Variants in ANO4 observed in about 807,000 individuals in gnomAD.
The protein encoded by ANO4 is anoctamin-4.
ANO4 carries 69 observed loss-of-function variants against 141.9 expected under a neutral mutation model. The observed-to-expected ratio is 0.49, with a 90% confidence interval of 0.40 to 0.59. The LOEUF is 0.59. Among genes scored for constraint, ANO4 ranks in the 20% least tolerant of loss-of-function variants. ANO4 has a pLI of 0.00. For missense variants in ANO4, 894 were observed against 1,162.2 expected, an observed-to-expected ratio of 0.77 and a Z score of 3.36; for synonymous variants, 350 against 394.3, an observed-to-expected ratio of 0.89 and a Z score of 1.33.
chr12:100,959,054 CT>C lies in ANO4; in HGVS notation c.457-12251del, dbSNP rs2043293500. On this transcript the variant is annotated intron_variant, in intron 5 of 27. Coordinates refer to ENST00000392977, the MANE Select transcript of ANO4 (RefSeq NM_001286615.2). ...ACTGTTACTTCACACTGCCCTCTCTCTGCCCAATCAACCTTCTCACCTGTTT... is the reference window on the plus strand; with the variant it reads ...ACTGTTACTTCACACTGCCCTCTCTCGCCCAATCAACCTTCTCACCTGTTT... 7.9e-5 allele frequency among the ~76,000 whole-genome samples: 12 copies of C among 152,206 alleles called. No individual in the cohort carries two copies. In the South Asian group the frequency reaches 2.5e-3, roughly 32 times the overall value.
At position 100,731,508 on chromosome 12, in the gene ANO4, G is replaced by A. The variant is rs60112591; in HGVS notation, c.23-2266G>A. Among the ~76,000 whole-genome samples the A allele has an allele frequency of 5.0e-3, 763 of 152,146 alleles. 22 individuals are homozygous for A. The East Asian group carries it at 0.069, about 14-fold the overall frequency. The stretch of plus-strand genomic sequence containing the variant: ...ACAATTGATAAACCTACATCAACAC[G>A]TCATAATCACCCAAAATCCATAGTT... On this transcript the variant is annotated intron_variant, in intron 1 of 29. Coordinates refer to the ANO4 transcript ENST00000644049.
intron 3 of ANO4, among the ~76,000 whole-genome samples, chr12:100,767,004 A>G (rs1017470923): frequency 1.4e-4 from 21 of 152,108 alleles, no homozygotes; most frequent in African/African-American, 5.1e-4. Flanking sequence ...TTTAGTCTAT[A>G]TTCTGAACAC....
chr12:100,869,562 C>T (rs566149294), intron 1 of ANO4, among the ~76,000 whole-genome samples: 30 of 152,284 alleles, frequency 2.0e-4, no homozygotes, highest in African/African-American at 1.4e-4. Context: ...TGAGACCCCT[C>T]GTATGAGCTG....
chr12:100,978,631 CT>C (rs1284581245), intron 7 of ANO4, among the ~76,000 whole-genome samples: 3 of 152,094 alleles, frequency 2.0e-5, no homozygotes, highest in African/African-American at 7.2e-5. Context: ...GTTCTGCCCC[CT>C]GGATGGATAA....
chr12:101,067,631 C>T (rs2048645824), intron 14 of ANO4, among the ~76,000 whole-genome samples: 3 of 152,090 alleles, frequency 2.0e-5, no homozygotes, highest in Admixed American at 6.5e-5. Context: ...TGCAGTGAGC[C>T]GAGGTTGCAC....
intron 8 of ANO4, among the ~76,000 whole-genome samples, chr12:100,989,024 AAAATC>A (rs2044912383): frequency 6.6e-6 from 1 of 152,180 alleles, no homozygotes. Context: ...GGGGAAAAGA[AAAATC>A]AAAGAATAGA....
chr12:100,886,969 C>T (rs969094129), intron 1 of ANO4, among the ~76,000 whole-genome samples: 16 of 152,166 alleles, frequency 1.1e-4, no homozygotes, highest in Non-Finnish European at 2.1e-4. Flanking sequence ...CTGCCTTTTT[C>T]ATCCTTGTTT....
At chr12:101,067,005 A>AG in intron 14 of ANO4, 2 of 582,468 alleles carry the variant, frequency 3.4e-6, no homozygotes, top group South Asian at 4.3e-5. Context: ...AACAAAAAAA[A>AG]AAAAAAAAAA....
chr12:101,037,878 C>G (rs1228546523), intron 10 of ANO4, among the ~76,000 whole-genome samples: 1 of 152,182 alleles, frequency 6.6e-6, no homozygotes, highest in Non-Finnish European at 1.5e-5. Flanking sequence ...CCTCTGGGAC[C>G]TCACAAAGTA....
At chr12:100,747,566 G>A (rs1156302066) in intron 3 of ANO4, among the ~76,000 whole-genome samples, 1 of 152,172 alleles carries the variant, frequency 6.6e-6, no homozygotes, top group African/African-American at 2.4e-5. Context: ...TCTTCTGGTG[G>A]GATTGTGTTT....
chr12:100,832,166 T>G (rs777714814), intron 1 of ANO4, among the ~76,000 whole-genome samples: 2 of 152,006 alleles, frequency 1.3e-5, no homozygotes, highest in Non-Finnish European at 2.9e-5. Context: ...CAATCCTCTG[T>G]GTAAGCTTTG....
intron 3 of ANO4, among the ~76,000 whole-genome samples, chr12:100,775,069 C>T (rs2033449645): frequency 6.6e-6 from 1 of 152,144 alleles, no homozygotes; most frequent in Admixed American, 6.5e-5. Context: ...CCATTCAAAG[C>T]CTGATTACAC....
intron 3 of ANO4, among the ~76,000 whole-genome samples, chr12:100,778,959 G>T (rs953721): frequency 0.67 from 101,145 of 151,246 alleles, 33,964 homozygotes; most frequent in East Asian, 0.78. Context: ...ATTAGGCAGG[G>T]TGAAGAAGGG....
chr12:101,016,975 G>C (rs951213593), intron 8 of ANO4, among the ~76,000 whole-genome samples: 1 of 152,210 alleles, frequency 6.6e-6, no homozygotes. Context: ...TGACTGCAGA[G>C]TATTGAGATA....
At chr12:101,083,910 A>C (rs1447418598) in intron 16 of ANO4, 92 bp downstream of exon 16, 7 of 1,258,362 alleles carry the variant, frequency 5.6e-6, no homozygotes, top group Non-Finnish European at 7.4e-6. Flanking sequence ...TTGTTCTACA[A>C]AATATTTTTG....
intron 1 of ANO4, among the ~76,000 whole-genome samples, chr12:100,802,283 T>C (rs1044698998): frequency 8.5e-5 from 13 of 152,226 alleles, no homozygotes; most frequent in African/African-American, 3.1e-4. Context: ...GAGATATGCA[T>C]GTGTAAGTTT....
At chr12:100,981,018 C>G (rs79629858) in intron 7 of ANO4, among the ~76,000 whole-genome samples, 2 of 152,144 alleles carry the variant, frequency 1.3e-5, no homozygotes, top group African/African-American at 4.8e-5. Flanking sequence ...CTTCCACCCC[C>G]CATATGCATT....
At chr12:100,926,591 C>A (rs1015512817) in intron 3 of ANO4, among the ~76,000 whole-genome samples, 4 of 147,528 alleles carry the variant, frequency 2.7e-5, no homozygotes, top group Admixed American at 2.0e-4. Context: ...GAAAGTATAA[C>A]AAGGGTGTGT....
chr12:100,720,516 G>A (rs553093417), intron 1 of ANO4, among the ~76,000 whole-genome samples: 1 of 151,856 alleles, frequency 6.6e-6, no homozygotes, highest in African/African-American at 2.4e-5. Flanking sequence ...CAGGAAGACA[G>A]TGCAGTCTGA....
Sources: gnomAD v4.1 joint callset for allele counts (sites outside exome capture counted in the v4.1 genomes callset) on GRCh38, gnomAD v4.1.1 for gene constraint, MANE v1.5 for transcripts, NCBI Gene and HGNC (gene_info 2026-07-23, HGNC 2026-07-21) for gene names.